ZNF827: variants seen among roughly 807,000 people sequenced by gnomAD.
ZNF827 encodes zinc finger protein 827.
A neutral mutation model predicts 102.4 loss-of-function variants in ZNF827; 13 were observed. The ratio of observed to expected loss-of-function variants is 0.13; its 90% CI spans 0.08 to 0.20. ZNF827 has a LOEUF of 0.20. Ranked by LOEUF, ZNF827 falls within the 10% of genes least tolerant of loss-of-function variation. ZNF827 has a pLI of 1.00. For synonymous variants in ZNF827, 523 were observed against 536.2 expected (o/e 0.98, Z 0.34); for missense variants, 1,103 against 1,344.4 (o/e 0.82, Z 2.81).
At chr4:145,870,663 C>T (rs1485277206) in intron 4 of ZNF827, 185 bp from the exon 5 acceptor site, 2 of 554,064 alleles carry the variant, frequency 3.6e-6, no homozygotes, top group East Asian at 5.7e-5. Flanking sequence ...GCCTACAACT[C>T]TGAGGAGTGT....
intron 11 of ZNF827, among the ~76,000 whole-genome samples, chr4:145,769,271 T>C (rs1235494328): frequency 6.6e-6 from 1 of 152,132 alleles, no homozygotes; most frequent in Non-Finnish European, 1.5e-5. Flanking sequence ...ACAAGAAAGC[T>C]ATGTGACAAC....
intron 1 of ZNF827, among the ~76,000 whole-genome samples, chr4:145,905,143 A>AATT (rs1367124778): frequency 6.6e-6 from 1 of 152,210 alleles, no homozygotes; most frequent in Non-Finnish European, 1.5e-5. Flanking sequence ...AGAGGGCAGG[A>AATT]ATTGTATTTT....
chr4:145,831,182 C>T (rs566172349), intron 7 of ZNF827: 1 of 152,188 alleles, frequency 6.6e-6, no homozygotes, highest in South Asian at 2.1e-4. Flanking sequence ...CAAGAGTGCC[C>T]AAGATTAAAA....
chr4:145,776,469 GA>G (rs200038790), intron 9 of ZNF827, among the ~76,000 whole-genome samples: 40,845 of 129,838 alleles, frequency 0.31, 5,854 homozygotes, highest in African/African-American at 0.38. Context: ...TCAAAAAAAA[GA>G]AAAAAAAAAA....
chr4:145,809,694 C>A (rs1741826701), intron 8 of ZNF827, among the ~76,000 whole-genome samples: 1 of 152,222 alleles, frequency 6.6e-6, no homozygotes, highest in Admixed American at 6.5e-5. Flanking sequence ...ATTCTGGCAA[C>A]TGACTGACCC....
rs1741725423 is a variant in ZNF827, at chr4:145,808,643, C to A, written c.2383+14779G>T. Among the ~76,000 whole-genome samples the A allele has an allele frequency of 2.0e-5, 3 of 152,320 alleles. No individual in the cohort carries two copies. In the South Asian group the frequency reaches 6.2e-4, roughly 32 times the overall value. ...GAACATTCAAATAGTGTTCCTTAGT[C>A]TGAAGCACTTTGATACCTTAAAGAG... is the stretch of plus-strand genomic sequence containing the variant. On this transcript the variant is annotated intron_variant, in intron 8 of 14. Transcript: ENST00000508784.
intron 6 of ZNF827, among the ~76,000 whole-genome samples, chr4:145,846,357 G>C (rs1745938781): frequency 6.6e-6 from 1 of 152,038 alleles, no homozygotes; most frequent in Non-Finnish European, 1.5e-5. Context: ...GGGCATCTAT[G>C]GTCCCAGCTA....
intron 2 of ZNF827, among the ~76,000 whole-genome samples, chr4:145,893,296 C>T (rs1750746451): frequency 6.6e-6 from 1 of 152,220 alleles, no homozygotes; most frequent in African/African-American, 2.4e-5. Flanking sequence ...CTCAGTGCCA[C>T]ACTAGCCTCT....
chr4:145,791,503 G>A (rs1357621442), intron 8 of ZNF827, among the ~76,000 whole-genome samples: 1 of 152,150 alleles, frequency 6.6e-6, no homozygotes, highest in African/African-American at 2.4e-5. Flanking sequence ...GTGAACGTAT[G>A]TCATAATGAT....
At chr4:145,899,146 T>C (rs1241348420) in intron 2 of ZNF827, among the ~76,000 whole-genome samples, 1 of 152,188 alleles carries the variant, frequency 6.6e-6, no homozygotes, top group Non-Finnish European at 1.5e-5. Flanking sequence ...AAACTAAGAT[T>C]TCCTTCTAAG....
intron 2 of ZNF827, among the ~76,000 whole-genome samples, chr4:145,899,766 A>C (rs1485134113): frequency 6.6e-6 from 1 of 152,196 alleles, no homozygotes; most frequent in African/African-American, 2.4e-5. Context: ...GACTGAACAG[A>C]GGCATGTTGA....
At chr4:145,933,586 C>G (rs531318887) in intron 1 of ZNF827, among the ~76,000 whole-genome samples, 1 of 152,248 alleles carries the variant, frequency 6.6e-6, no homozygotes, top group East Asian at 1.9e-4. Flanking sequence ...ACACAATAAC[C>G]TGATCTGGTC....
intron 3 of ZNF827, among the ~76,000 whole-genome samples, chr4:145,888,495 T>G (rs936351049): frequency 4.6e-5 from 7 of 152,202 alleles, no homozygotes. Context: ...TAGGGCCATC[T>G]CTTCACCATT....
intron 8 of ZNF827, among the ~76,000 whole-genome samples, chr4:145,816,500 A>G (rs1742611158): frequency 6.6e-6 from 1 of 152,254 alleles, no homozygotes; most frequent in African/African-American, 2.4e-5. Context: ...TAATTAGTTA[A>G]TTACTGAGAA....
intron 1 of ZNF827, among the ~76,000 whole-genome samples, chr4:145,937,571 C>G (rs1754297088): frequency 6.8e-6 from 1 of 146,694 alleles, no homozygotes; most frequent in Non-Finnish European, 1.5e-5. Context: ...CCGCCCCGCG[C>G]CCCGGCGCGC....
chr4:145,760,905 G>A lies in ZNF827; in HGVS notation c.*711C>T, dbSNP rs1206546334. The A allele has an allele frequency of 2.4e-5, 29 of 1,233,616 alleles. No individual in the cohort carries two copies. Among genetic ancestry groups the A allele is most frequent in the Non-Finnish European group, 3.0e-5 (29 of 963,352 alleles). The allele number at this position is 1,233,616 out of a possible 1,614,324, so 76.4% of individuals were successfully genotyped here. A position where few individuals can be genotyped will look rare whatever the true frequency, so the allele number is the denominator to read the frequency against. Reference sequence around the variant, plus strand: ...ATGTGAGATCCAAGTGGTTCTTGGGGTATAACATTGTCAAGGGAATGAGAT... The same window carrying A: ...ATGTGAGATCCAAGTGGTTCTTGGGATATAACATTGTCAAGGGAATGAGAT... On this transcript the variant is annotated 3_prime_UTR_variant, in exon 15 of 15. Coordinates refer to ENST00000508784, the MANE Select transcript of ZNF827 (RefSeq NM_001306215.2).
Position 145,902,881 on chromosome 4 carries a change from C to A in ZNF827, c.378G>T (p.Leu126=). 6.2e-7 allele frequency: 1 copy of A among 1,614,188 alleles called. No homozygotes were observed. The highest frequency in any genetic ancestry group is 8.5e-7 in the Non-Finnish European group (1 of 1,180,038). The change falls in exon 2 of 15, where the codon CTG becomes CTT. Residue 126 remains leucine (L), a synonymous_variant. Coordinates refer to ENST00000508784, the MANE Select transcript of ZNF827 (RefSeq NM_001306215.2). This position sits in a 1 kb window ranked among gnomAD's most constrained non-coding sequence, Gnocchi z 4.3. The stretch of plus-strand genomic sequence containing the variant: ...CGAGTTTGAGGGAACCAGCCTCCAG[C>A]AGCCGCCTCAAATTGCTGCTCAGGG... ...NKPLSSNLRR[L]LEAGSLKLDA...
intron 2 of ZNF827, among the ~76,000 whole-genome samples, chr4:145,892,896 A>C (rs562153808): frequency 5.0e-4 from 76 of 152,380 alleles, no homozygotes; most frequent in African/African-American, 1.5e-3. Context: ...ACTGCTCCAC[A>C]CTGAAAACCA....
intron 7 of ZNF827, among the ~76,000 whole-genome samples, chr4:145,836,752 A>C (rs1365656250): frequency 6.6e-6 from 1 of 151,998 alleles, no homozygotes; most frequent in African/African-American, 2.4e-5. Context: ...CACCAGGCCT[A>C]ATCGCCACAC....
Sources: gnomAD v4.1 joint callset for allele counts (sites outside exome capture counted in the v4.1 genomes callset) on GRCh38, gnomAD v4.1.1 for gene constraint, Gnocchi (gnomAD v3.1) non-coding constraint, MANE v1.5 for transcripts, NCBI Gene and HGNC (gene_info 2026-07-23, HGNC 2026-07-21) for gene names.